Variants in RAP1A observed in about 807,000 individuals in gnomAD.
The protein encoded by RAP1A is RAP1A, member of RAS oncogene family, also known as ras-related protein Rap-1A.
Under a neutral mutation model 26.4 loss-of-function variants are expected in RAP1A, and 6 were observed. That is an observed-to-expected ratio of 0.23 (90% CI 0.12 to 0.45). RAP1A has a LOEUF of 0.45. Among genes scored for constraint, RAP1A ranks in the 20% least tolerant of loss-of-function variants. The probability of loss-of-function intolerance (pLI) is 0.99; values close to 1 mark genes in which losing one functional copy is unlikely to be tolerated. For synonymous variants in RAP1A, 73 were observed against 79.4 expected, an observed-to-expected ratio of 0.92 and a Z score of 0.43; for missense variants, 121 against 217.2, an observed-to-expected ratio of 0.56 and a Z score of 2.78.
At chr1:111,575,556 C>G in intron 1 of RAP1A, among the ~76,000 whole-genome samples, 1 of 152,120 alleles carries the variant, frequency 6.6e-6, no homozygotes, top group African/African-American at 2.4e-5. Flanking sequence ...AATTGTGTCC[C>G]CCTGCCCAAG....
rs997261637 is a variant in RAP1A at position 111,561,764 on chromosome 1, G to C, written c.-28+19255G>C. On this transcript the variant is annotated intron_variant, in intron 1 of 7. Transcript: ENST00000356415. Reference sequence around the variant, plus strand: ...TGTATTTGTGTGTATGTGTGTGTACGTATAATTGGAAGAGGGCCCTGTGTT... The same window carrying C: ...TGTATTTGTGTGTATGTGTGTGTACCTATAATTGGAAGAGGGCCCTGTGTT... Among the ~76,000 whole-genome samples, 122 of 152,222 alleles carry C rather than the reference G, an allele frequency of 8.0e-4. 1 individual carries two copies. The highest frequency in any genetic ancestry group is 2.7e-3 in the African/African-American group (114 of 41,506).
chr1:111,701,478 T>C lies in RAP1A; in HGVS notation c.184-1858T>C, dbSNP rs147041647. ...TTCTCTATAACATTTATTACCATCT[T>C]GCATACTTGATTTTTGTCTGTCTCC... is the stretch of plus-strand genomic sequence containing the variant. On this transcript the variant is annotated intron_variant, in intron 4 of 7. Coordinates refer to ENST00000369709, the MANE Select transcript of RAP1A (RefSeq NM_002884.4). 7.5e-4 allele frequency among the ~76,000 whole-genome samples: 114 copies of C among 152,350 alleles called. 1 individual carries two copies. The East Asian group carries it at 0.021, about 28-fold the overall frequency.
intron 1 of RAP1A, among the ~76,000 whole-genome samples, chr1:111,682,178 A>T (rs878986528): frequency 6.6e-6 from 1 of 152,224 alleles, no homozygotes; most frequent in Non-Finnish European, 1.5e-5. Flanking sequence ...CTGCCTTACA[A>T]GAGGCCCTGA....
chr1:111,667,583 T>C (rs846262), intron 1 of RAP1A, among the ~76,000 whole-genome samples: 62,614 of 151,244 alleles, frequency 0.41, 13,176 homozygotes, highest in African/African-American at 0.49. Context: ...TCGGGAGGCT[T>C]AGGCAGGAGA....
intron 1 of RAP1A, among the ~76,000 whole-genome samples, chr1:111,579,227 T>G (rs543442757): frequency 4.6e-5 from 7 of 152,296 alleles, no homozygotes; most frequent in African/African-American, 1.4e-4. Context: ...ACTTGGTCTT[T>G]CTGGTGACTG....
chr1:111,606,983 G>T (rs937446374), intron 1 of RAP1A, among the ~76,000 whole-genome samples: 3 of 151,696 alleles, frequency 2.0e-5, no homozygotes, highest in African/African-American at 4.9e-5. Flanking sequence ...GGCCACAAGA[G>T]TTCATTTGAA....
chr1:111,573,170 C>G (rs1658082466), intron 1 of RAP1A, among the ~76,000 whole-genome samples: 1 of 152,124 alleles, frequency 6.6e-6, no homozygotes. Context: ...TTAGTTCATT[C>G]CATGTATTTG....
At chr1:111,635,686 C>T (rs962264007) in intron 1 of RAP1A, among the ~76,000 whole-genome samples, 2 of 152,260 alleles carry the variant, frequency 1.3e-5, no homozygotes, top group East Asian at 3.9e-4. Flanking sequence ...ATGCCTCAGC[C>T]TCCCAGGTAG....
At chr1:111,702,776 TC>T (rs1662063702) in intron 4 of RAP1A, among the ~76,000 whole-genome samples, 2 of 152,168 alleles carry the variant, frequency 1.3e-5, no homozygotes, top group South Asian at 4.1e-4. Context: ...GCCAGGCTAG[TC>T]TTGAACTCCT....
intron 1 of RAP1A, among the ~76,000 whole-genome samples, chr1:111,555,705 A>G (rs1269700216): frequency 1.3e-5 from 2 of 152,190 alleles, no homozygotes; most frequent in East Asian, 1.9e-4. Flanking sequence ...GGAAAACTGG[A>G]TAATAACAAA....
In RAP1A at chr1:111,569,990, C is replaced by T. The variant is rs552502678; in HGVS notation, c.-28+27481C>T. On this transcript the variant is annotated intron_variant, in intron 1 of 7. Transcript: ENST00000356415. Reference sequence around the variant, plus strand: ...GAAAATATAAAAGCAAAGTGTAAAACGTCAGGGAGGAAACTGCTTGAGTGC... The same window carrying T: ...GAAAATATAAAAGCAAAGTGTAAAATGTCAGGGAGGAAACTGCTTGAGTGC... Among the ~76,000 whole-genome samples the T allele has an allele frequency of 1.6e-4, 24 of 152,252 alleles. 1 individual carries two copies. The highest frequency in any genetic ancestry group is 3.4e-3 in the Middle Eastern group (1 of 294).
intron 1 of RAP1A, among the ~76,000 whole-genome samples, chr1:111,626,397 AC>A (rs2101096805): frequency 6.6e-6 from 1 of 150,538 alleles, no homozygotes; most frequent in South Asian, 2.1e-4. Context: ...ACACACACAC[AC>A]ACATATGCAT....
chr1:111,565,319 C>T (rs1449669307), intron 1 of RAP1A, among the ~76,000 whole-genome samples: 3 of 152,180 alleles, frequency 2.0e-5, no homozygotes, highest in Admixed American at 6.5e-5. Flanking sequence ...CATTCAACCT[C>T]GTTCAAACAA....
chr1:111,567,860 T>C (rs1033842024), intron 1 of RAP1A, among the ~76,000 whole-genome samples: 2 of 152,218 alleles, frequency 1.3e-5, no homozygotes, highest in Non-Finnish European at 2.9e-5. Flanking sequence ...TTGATCTTGG[T>C]CATCCAGCCT....
At chr1:111,690,528 C>G (rs1411143865) in intron 1 of RAP1A, among the ~76,000 whole-genome samples, 1 of 152,226 alleles carries the variant, frequency 6.6e-6, no homozygotes, top group Admixed American at 6.5e-5. Flanking sequence ...AGTGTTAGGT[C>G]TCACTTCATT....
rs2101265614 is a variant in RAP1A at position 111,697,330 on chromosome 1, G to A, written c.127-111G>A. 1.9e-6 allele frequency: 3 copies of A among 1,575,370 alleles called. No individual in the cohort carries two copies. The South Asian group carries it at 3.4e-5, about 18-fold the overall frequency. On this transcript the variant is annotated intron_variant, in intron 3 of 7. Coordinates refer to ENST00000369709, the MANE Select transcript of RAP1A (RefSeq NM_002884.4). ...CCCCCAGCCATTACAGCATACTGCT[G>A]GAGACAGGCTTTGTATTTGTTAATA...
chr1:111,561,641 C>G (rs867743962), intron 1 of RAP1A, among the ~76,000 whole-genome samples: 1 of 152,308 alleles, frequency 6.6e-6, no homozygotes, highest in Middle Eastern at 3.4e-3. Context: ...TAGGCCATTA[C>G]TCTTCTCTCC....
intron 1 of RAP1A, among the ~76,000 whole-genome samples, chr1:111,613,362 GC>G (rs1273138962): frequency 6.6e-6 from 1 of 152,046 alleles, no homozygotes; most frequent in Non-Finnish European, 1.5e-5. Context: ...ACCATGCCCG[GC>G]TAATGTTTTG....
At chr1:111,653,758 C>T (rs1437990951) in intron 1 of RAP1A, among the ~76,000 whole-genome samples, 2 of 144,752 alleles carry the variant, frequency 1.4e-5, no homozygotes, top group African/African-American at 5.2e-5. Flanking sequence ...GAAAATTTAA[C>T]CAGAGATTAA....
Sources: gnomAD v4.1 joint callset for allele counts (sites outside exome capture counted in the v4.1 genomes callset) on GRCh38, gnomAD v4.1.1 for gene constraint, MANE v1.5 for transcripts, NCBI Gene and HGNC (gene_info 2026-07-23, HGNC 2026-07-21) for gene names.